CDH22: variants seen among roughly 807,000 people sequenced by gnomAD.
CDH22 encodes cadherin-22.
In CDH22, 30 loss-of-function variants were observed where a neutral mutation model predicts 58.4. That is an observed-to-expected ratio of 0.51 (90% CI 0.38 to 0.70). The LOEUF is 0.70. CDH22 is among the 30% of genes least tolerant of loss of function. The pLI is 0.00. For missense variants in CDH22, 1,014 were observed against 1,233.9 expected (o/e 0.82, Z 2.67); for synonymous variants, 513 against 558.2 (o/e 0.92, Z 1.14).
chr20:46,260,455 C>T (rs1387181522), intron 1 of CDH22, among the ~76,000 whole-genome samples: 1 of 152,206 alleles, frequency 6.6e-6, no homozygotes, highest in Non-Finnish European at 1.5e-5. Context: ...GGTTTGCTGT[C>T]AGCTGCATGG....
Position 46,174,508 on chromosome 20 carries a change from A to C in CDH22, c.2485T>G (p.Ter829GluextTer70). ...HRGDDEAQAS[*>E] is the part of the protein sequence containing the mutation. Reference sequence around the variant, plus strand: ...CGCCCCGACGGCAGGGCGAGGGGCTAGGAGGCCTGGGCCTCGTCGTCCCCG... The same window carrying C: ...CGCCCCGACGGCAGGGCGAGGGGCTCGGAGGCCTGGGCCTCGTCGTCCCCG... The change falls in exon 12 of 12, where the codon TAG (stop) becomes GAG (glutamate). Residue 829 changes from the stop codon to glutamate (E), a stop_lost. Transcript: ENST00000537909. This position sits in a 1 kb window ranked among gnomAD's most constrained non-coding sequence, Gnocchi z 4.4. 1 of 1,506,504 alleles carries C rather than the reference A, an allele frequency of 6.6e-7. No homozygotes were observed. Among genetic ancestry groups the C allele is most frequent in the South Asian group, 1.2e-5 (1 of 81,004 alleles). The allele number at this position is 1,506,504 out of a possible 1,614,324, so 93.3% of individuals were successfully genotyped here.
At chr20:46,207,287 G>A (rs1022508839) in intron 7 of CDH22, among the ~76,000 whole-genome samples, 2 of 152,214 alleles carry the variant, frequency 1.3e-5, no homozygotes, top group Non-Finnish European at 2.9e-5. Context: ...AAGCGGGGAG[G>A]AGGAAGAGGA....
chr20:46,192,360 A>C (rs564434146), intron 8 of CDH22, among the ~76,000 whole-genome samples: 2 of 152,266 alleles, frequency 1.3e-5, no homozygotes, highest in African/African-American at 4.8e-5. Flanking sequence ...CTGTTGTATC[A>C]GGGATTGGGT....
chr20:46,183,676 C>T (rs568960661), intron 10 of CDH22, among the ~76,000 whole-genome samples: 1 of 152,288 alleles, frequency 6.6e-6, no homozygotes, highest in South Asian at 2.1e-4. Context: ...AAGGGATCCT[C>T]CTGCCTTGTG....
chr20:46,174,086 G>A lies in CDH22; in HGVS notation c.*420C>T, dbSNP rs909403922. The A allele has an allele frequency of 7.5e-5, 16 of 212,802 alleles. No individual in the cohort carries two copies. The Admixed American group carries it at 9.3e-4, about 12-fold the overall frequency. 13.2% of individuals were successfully genotyped at this position (212,802 alleles called of 1,614,324 possible). A position where few individuals can be genotyped will look rare whatever the true frequency, so the allele number is the denominator to read the frequency against. ...TACAGCGTCCCAGCACACAGTAGGT[G>A]CTTAGTAAGTGAACAGCCTTCTTTC... On this transcript the variant is annotated 3_prime_UTR_variant, in exon 12 of 12. Coordinates refer to ENST00000537909, the MANE Select transcript of CDH22 (RefSeq NM_021248.3). This position sits in a 1 kb window ranked among gnomAD's most constrained non-coding sequence, Gnocchi z 4.4.
Position 46,300,442 on chromosome 20 carries a change from C to T in CDH22, c.-400+7813G>A, listed in dbSNP as rs2086646267. 6.6e-6 allele frequency among the ~76,000 whole-genome samples: 1 copy of T among 152,166 alleles called. No individual in the cohort carries two copies. The highest frequency in any genetic ancestry group is 6.6e-5 in the Admixed American group (1 of 15,266). ...TGCCCGGGCCCATCCACCTTATGTC[C>T]CCCGCCTGCCTGGTGCCTGTCACTC... On this transcript the variant is annotated intron_variant, in intron 1 of 11. Transcript: ENST00000537909. This position sits in a 1 kb window ranked among gnomAD's most constrained non-coding sequence, Gnocchi z 4.4.
intron 8 of CDH22, among the ~76,000 whole-genome samples, chr20:46,187,222 C>T (rs1237319062): frequency 2.0e-5 from 3 of 152,090 alleles, no homozygotes; most frequent in South Asian, 2.1e-4. Flanking sequence ...CTGCCATCAC[C>T]AACACCATCA....
chr20:46,199,443 G>A lies in CDH22; in HGVS notation c.1403C>T (p.Thr468Ile). 6.2e-7 allele frequency: 1 copy of A among 1,612,590 alleles called. No homozygotes were observed. Among genetic ancestry groups the A allele is most frequent in the Non-Finnish European group, 8.5e-7 (1 of 1,180,002 alleles). The change falls in exon 8 of 12, where the codon ACA becomes ATA. Residue 468 changes from threonine (T) to isoleucine (I), a missense_variant. This residue lies in a region of CDH22 where 806 missense variants were observed against 1,038.7 expected (regional missense o/e 0.78). Transcript: ENST00000537909. ...CTCACCCGCCTCCATGGCCAGCACT[G>A]TGATGTTGTGCCAGCCGGCCGTCTC... is the stretch of plus-strand genomic sequence containing the variant. ...DRETAGWHNI[T>I]VLAMEADNHA...
intron 1 of CDH22, among the ~76,000 whole-genome samples, chr20:46,269,072 C>T (rs2145755707): frequency 1.3e-5 from 2 of 152,266 alleles, no homozygotes; most frequent in Middle Eastern, 6.8e-3. Flanking sequence ...TTGATCAGGC[C>T]CTGTGACCCC....
At chr20:46,223,042 A>G (rs544233209) in intron 4 of CDH22, among the ~76,000 whole-genome samples, 6 of 152,306 alleles carry the variant, frequency 3.9e-5, no homozygotes, top group African/African-American at 1.2e-4. Context: ...GGGAGGCAAA[A>G]CCTGGTTCTT....
rs767576607 is a variant in CDH22 at position 46,178,204 on chromosome 20, C to T, written c.1664-7G>A. Reference sequence around the variant, plus strand: ...TGCACTGCAGCGGTGTTGTCTGTTCCGGAAGAAGGGGGAGCGGTGTGACTT... The same window carrying T: ...TGCACTGCAGCGGTGTTGTCTGTTCTGGAAGAAGGGGGAGCGGTGTGACTT... On this transcript the variant is annotated splice_polypyrimidine_tract_variant and splice_region_variant and intron_variant, in intron 10 of 11. Coordinates refer to ENST00000537909, the MANE Select transcript of CDH22 (RefSeq NM_021248.3). 12 of 1,606,818 alleles carry T rather than the reference C, an allele frequency of 7.5e-6. No homozygotes were observed. The highest frequency in any genetic ancestry group is 1.7e-5 in the Admixed American group (1 of 59,872).
intron 10 of CDH22, among the ~76,000 whole-genome samples, chr20:46,179,929 C>T (rs1853935235): frequency 6.6e-6 from 1 of 152,208 alleles, no homozygotes; most frequent in South Asian, 2.1e-4. Context: ...ACACCCTCTT[C>T]ACCTTCTTGC....
At chr20:46,193,304 G>C (rs2085875051) in intron 8 of CDH22, among the ~76,000 whole-genome samples, 1 of 152,090 alleles carries the variant, frequency 6.6e-6, no homozygotes, top group African/African-American at 2.4e-5. Context: ...TGGTGACAGG[G>C]AGCTCACTGT....
At chr20:46,177,900 G>C (rs2085752118) in intron 11 of CDH22, 46 bp downstream of exon 11, 12 of 1,601,164 alleles carry the variant, frequency 7.5e-6, no homozygotes, top group Non-Finnish European at 1.0e-5. Flanking sequence ...CAGGACGCCA[G>C]GATGGGGCCA....
chr20:46,232,323 G>A (rs1246952475), intron 3 of CDH22, among the ~76,000 whole-genome samples: 7 of 152,118 alleles, frequency 4.6e-5, no homozygotes, highest in African/African-American at 1.7e-4. Context: ...TCTCATTCCA[G>A]CCCTGTCCTT....
intron 1 of CDH22, among the ~76,000 whole-genome samples, chr20:46,287,075 T>C (rs1686677158): frequency 6.6e-6 from 1 of 152,140 alleles, no homozygotes; most frequent in African/African-American, 2.4e-5. Flanking sequence ...TGGTCCGTCA[T>C]CCCATGGAAT....
chr20:46,303,910 C>T (rs892517473), intron 1 of CDH22, among the ~76,000 whole-genome samples: 1 of 152,026 alleles, frequency 6.6e-6, no homozygotes, highest in African/African-American at 2.4e-5. Flanking sequence ...GGGGTTGCAG[C>T]GGGAGGGTAT....
At chr20:46,221,327 C>A (rs1332416133) in intron 4 of CDH22, among the ~76,000 whole-genome samples, 1 of 144,016 alleles carries the variant, frequency 6.9e-6, no homozygotes, top group Non-Finnish European at 1.5e-5. Context: ...TAGAGAAATC[C>A]AGTTGGCTGG....
intron 1 of CDH22, among the ~76,000 whole-genome samples, chr20:46,259,016 T>A (rs1157389469): frequency 6.6e-6 from 1 of 152,226 alleles, no homozygotes; most frequent in East Asian, 1.9e-4. Flanking sequence ...CCACACTACG[T>A]GTACTTGACT....
Sources: allele counts gnomAD v4.1 joint callset (sites outside exome capture counted in the v4.1 genomes callset), GRCh38; gene constraint gnomAD v4.1.1; regional missense constraint gnomAD v4.1.1; non-coding constraint Gnocchi (gnomAD v3.1); transcripts MANE v1.5; gene names NCBI Gene and HGNC (gene_info 2026-07-23, HGNC 2026-07-21).